The following RGS8 variants were observed in gnomAD, a reference collection of about 807,000 sequenced individuals.
RGS8 encodes regulator of G-protein signaling 8.
RGS8 carries 8 observed loss-of-function variants against 21.7 expected under a neutral mutation model. That is an observed-to-expected ratio of 0.37 (90% confidence interval 0.22 to 0.66). RGS8 has a LOEUF of 0.66. RGS8 is among the 30% of genes least tolerant of loss of function. The probability of loss-of-function intolerance (pLI) is 0.59; values close to 1 mark genes in which losing one functional copy is unlikely to be tolerated. For synonymous variants in RGS8, 80 were observed against 83.6 expected, an observed-to-expected ratio of 0.96 and a Z score of 0.24; for missense variants, 157 against 217.9, an observed-to-expected ratio of 0.72 and a Z score of 1.76.
At chr1:182,715,355 T>C in the RGS8 span, among the ~76,000 whole-genome samples, 2 of 152,188 alleles carry the variant, frequency 1.3e-5, no homozygotes, top group Admixed American at 6.5e-5. Context: ...TACTCTCACT[T>C]ACCCCTTTAA....
At chr1:182,666,215 C>G (rs2102435310) in intron 4 of RGS8, among the ~76,000 whole-genome samples, 182 bp from the exon 6 acceptor site, 1 of 152,080 alleles carries the variant, frequency 6.6e-6, no homozygotes, top group South Asian at 2.1e-4. Flanking sequence ...TCTTAAGTAA[C>G]TGATGAAAAA....
At chr1:182,703,678 G>A in the RGS8 span, among the ~76,000 whole-genome samples, 2 of 152,142 alleles carry the variant, frequency 1.3e-5, no homozygotes, top group Non-Finnish European at 2.9e-5. Flanking sequence ...AACCACAGAT[G>A]ATTTTGAAAG....
At chr1:182,746,449 T>G in the RGS8 span, among the ~76,000 whole-genome samples, 1 of 152,150 alleles carries the variant, frequency 6.6e-6, no homozygotes, top group Non-Finnish European at 1.5e-5. Flanking sequence ...GACAGATCAC[T>G]TAAGTCCAGG....
the RGS8 span, among the ~76,000 whole-genome samples, chr1:182,748,522 T>C: frequency 6.6e-6 from 1 of 152,236 alleles, no homozygotes; most frequent in African/African-American, 2.4e-5. Flanking sequence ...GACACTTAGG[T>C]TGATTCCATG....
the RGS8 span, among the ~76,000 whole-genome samples, chr1:182,736,843 C>T: frequency 2.6e-5 from 4 of 152,210 alleles, no homozygotes; most frequent in Non-Finnish European, 5.9e-5. Flanking sequence ...TTGGATGAAC[C>T]AGCTGCCATG....
At chr1:182,679,806 C>T (rs1486408533) in intron 1 of RGS8, among the ~76,000 whole-genome samples, 2 of 151,946 alleles carry the variant, frequency 1.3e-5, no homozygotes, top group Non-Finnish European at 2.9e-5. Context: ...CCGCCCTCAC[C>T]ACGCCCACCT....
the RGS8 span, among the ~76,000 whole-genome samples, chr1:182,725,956 T>TA: frequency 6.6e-6 from 1 of 152,198 alleles, no homozygotes; most frequent in Non-Finnish European, 1.5e-5. Flanking sequence ...ATAGAGAAGA[T>TA]AGTTAATAAA....
the RGS8 span, among the ~76,000 whole-genome samples, chr1:182,747,822 C>T: frequency 3.6e-4 from 53 of 146,412 alleles, no homozygotes; most frequent in African/African-American, 1.2e-3. Flanking sequence ...GTCAATGTGG[C>T]GGAACCCCGT....
chr1:182,650,663 C>A (rs1248096997), intron 5 of RGS8, among the ~76,000 whole-genome samples: 1 of 152,158 alleles, frequency 6.6e-6, no homozygotes, highest in Admixed American at 6.5e-5. Flanking sequence ...GAGTTCGAGA[C>A]CAGCCTGGGC....
Position 182,646,794 on chromosome 1 carries a change from A to G in RGS8, c.484T>C (p.Phe162Leu), listed in dbSNP as rs1662723800. Residue 162 changes from phenylalanine to leucine, a missense_variant, in exon 7 of 7, where the codon TTC becomes CTC. By Grantham distance (22) the Phe-to-Leu change is conservative. Coordinates refer to ENST00000483095, the Ensembl canonical transcript of RGS8. ...TCTAAGTACATTTTGGACCTCAGGA[A>G]CCTGGGGTAAGAGTCTTTCTCCATG... The G allele has an allele frequency of 6.2e-7, 1 of 1,613,996 alleles. No homozygotes were observed. Among genetic ancestry groups the G allele is most frequent in the Admixed American group, 1.7e-5 (1 of 60,000 alleles).
At chr1:182,706,136 C>T in the RGS8 span, among the ~76,000 whole-genome samples, 1 of 152,056 alleles carries the variant, frequency 6.6e-6, no homozygotes, top group African/African-American at 2.4e-5. Context: ...GTATGCACTA[C>T]TACGCCCAGC....
chr1:182,653,548 G>A (rs1663123036), intron 5 of RGS8, among the ~76,000 whole-genome samples: 2 of 152,012 alleles, frequency 1.3e-5, no homozygotes, highest in Admixed American at 1.3e-4. Context: ...ACAAAAATTA[G>A]CCAGGTGCAG....
intron 5 of RGS8, among the ~76,000 whole-genome samples, chr1:182,664,276 G>A (rs1663741777): frequency 1.4e-5 from 2 of 147,816 alleles, no homozygotes; most frequent in Non-Finnish European, 2.9e-5. Context: ...ATAAATAAAA[G>A]TATCATTTAA....
the RGS8 span, among the ~76,000 whole-genome samples, chr1:182,709,757 C>T: frequency 6.6e-6 from 1 of 152,242 alleles, no homozygotes; most frequent in Non-Finnish European, 1.5e-5. Flanking sequence ...ACTCCCCCCA[C>T]TGTCACTTAC....
chr1:182,646,721 T>C, exon 7 of RGS8: 5 of 1,598,048 alleles, frequency 3.1e-6, no homozygotes, highest in Non-Finnish European at 4.3e-6. Flanking sequence ...TTTCCAGGAG[T>C]TCCCTTCTGA....
intron 5 of RGS8, among the ~76,000 whole-genome samples, chr1:182,654,261 G>A (rs1663159372): frequency 6.6e-6 from 1 of 152,110 alleles, no homozygotes; most frequent in Non-Finnish European, 1.5e-5. Flanking sequence ...TATTGAAAAT[G>A]GGAGATTAAA....
intron 2 of RGS8, 112 bp from the exon 4 acceptor site, chr1:182,669,864 C>A (rs1242786578): frequency 2.4e-6 from 3 of 1,226,738 alleles, no homozygotes; most frequent in Non-Finnish European, 3.3e-6. Flanking sequence ...CACATCCCCC[C>A]AGCCCCACAA....
chr1:182,695,639 C>A, the RGS8 span, among the ~76,000 whole-genome samples: 1 of 152,118 alleles, frequency 6.6e-6, no homozygotes. Context: ...TGCTCTTAGC[C>A]ATTTAAGAAA....
the RGS8 span, among the ~76,000 whole-genome samples, chr1:182,720,319 TG>T: frequency 2.0e-5 from 3 of 152,224 alleles, no homozygotes; most frequent in African/African-American, 4.8e-5. Flanking sequence ...AAGATAGCAG[TG>T]GACTACATGG....
Sources: gnomAD v4.1 joint callset for allele counts (sites outside exome capture counted in the v4.1 genomes callset) on GRCh38, gnomAD v4.1.1 for gene constraint, MANE v1.5 for transcripts, NCBI Gene and HGNC (gene_info 2026-07-23, HGNC 2026-07-21) for gene names.